The following LMBRD1 variants were observed in gnomAD, a reference collection of about 807,000 sequenced individuals.
LMBRD1 encodes the protein LMBR1 domain containing 1, also known as lysosomal cobalamin transport escort protein LMBD1.
LMBRD1 carries 64 observed loss-of-function variants against 74.8 expected under a neutral mutation model. The ratio of observed to expected loss-of-function variants is 0.86; its 90% CI spans 0.70 to 1.05. The LOEUF is 1.05. LMBRD1 is among the 50% of genes least tolerant of loss of function. The probability of loss-of-function intolerance (pLI) is 0.00; values close to 1 mark genes in which losing one functional copy is unlikely to be tolerated. For synonymous variants in LMBRD1, 204 were observed against 216.3 expected (o/e 0.94, Z 0.50); for missense variants, 652 against 645.9 (o/e 1.01, Z -0.10).
chr6:69,786,335 A>G (rs1765945087), intron 2 of LMBRD1, among the ~76,000 whole-genome samples: 1 of 152,244 alleles, frequency 6.6e-6, no homozygotes. Context: ...ATAACAGTCC[A>G]TAAAGATATT....
chr6:69,781,698 T>C (rs550203436), intron 2 of LMBRD1, among the ~76,000 whole-genome samples: 7 of 152,094 alleles, frequency 4.6e-5, no homozygotes, highest in Non-Finnish European at 7.4e-5. Flanking sequence ...AACAAACCCT[T>C]AATAGGCCAA....
chr6:69,763,207 C>T (rs1484216046), intron 3 of LMBRD1, among the ~76,000 whole-genome samples: 1 of 148,430 alleles, frequency 6.7e-6, no homozygotes, highest in East Asian at 2.0e-4. Flanking sequence ...TTGATTCCTC[C>T]TGACTGCTTA....
intron 7 of LMBRD1, among the ~76,000 whole-genome samples, chr6:69,724,447 A>G (rs1766683694): frequency 6.9e-6 from 1 of 144,622 alleles, no homozygotes; most frequent in Admixed American, 6.7e-5. Context: ...CAGAAAGATC[A>G]TTCATTATGA....
intron 3 of LMBRD1, among the ~76,000 whole-genome samples, chr6:69,766,500 C>A (rs1386126931): frequency 2.0e-5 from 3 of 151,798 alleles, no homozygotes; most frequent in African/African-American, 7.2e-5. Context: ...GGGATGAATT[C>A]ACTTTTGTCA....
intron 3 of LMBRD1, among the ~76,000 whole-genome samples, chr6:69,779,245 T>C (rs1188789423): frequency 6.6e-6 from 1 of 151,276 alleles, no homozygotes; most frequent in Admixed American, 6.6e-5. Context: ...ATAGAAACTT[T>C]TGTAGATTTT....
chr6:69,691,930 GA>G (rs1284223459), intron 14 of LMBRD1, among the ~76,000 whole-genome samples: 3 of 148,670 alleles, frequency 2.0e-5, no homozygotes, highest in Non-Finnish European at 4.5e-5. Flanking sequence ...TTTATTTATA[GA>G]GACTGTATTT....
chr6:69,738,140 CCGTA>C, intron 6 of LMBRD1, 125 bp from the exon 7 acceptor site: 1 of 686,428 alleles, frequency 1.5e-6, no homozygotes, highest in Non-Finnish European at 2.5e-6. Flanking sequence ...ATATGTATTA[CCGTA>C]TTCTTGAAGT....
chr6:69,753,916 G>T (rs1293122945), intron 3 of LMBRD1, among the ~76,000 whole-genome samples: 1 of 151,746 alleles, frequency 6.6e-6, no homozygotes, highest in East Asian at 1.9e-4. Context: ...ACTCCAGCCT[G>T]GGCGAGAGAG....
chr6:69,711,429 T>C (rs1307904090), intron 9 of LMBRD1, among the ~76,000 whole-genome samples: 3 of 152,144 alleles, frequency 2.0e-5, no homozygotes, highest in Non-Finnish European at 2.9e-5. Context: ...GATTTGAAAA[T>C]CCTTCTAAAC....
Position 69,705,467 on chromosome 6 carries a change from A to G in LMBRD1, c.916-3514T>C. ...CAGAACTAGGTCCTTTTGGTGTTTTAGGAGATTTTTCCTGTTTTTTGAAGG... is the reference window on the plus strand; with the variant it reads ...CAGAACTAGGTCCTTTTGGTGTTTTGGGAGATTTTTCCTGTTTTTTGAAGG... On this transcript the variant is annotated intron_variant, in intron 9 of 15. Transcript: ENST00000649934. The G allele has an allele frequency of 3.8e-6, 5 of 1,312,574 alleles. No individual in the cohort carries two copies. The Admixed American group carries it at 5.1e-5, about 13-fold the overall frequency. 81.3% of individuals were successfully genotyped at this position (1,312,574 alleles called of 1,614,324 possible). A position where few individuals can be genotyped will look rare whatever the true frequency, so the allele number is the denominator to read the frequency against.
intron 3 of LMBRD1, among the ~76,000 whole-genome samples, chr6:69,756,036 T>C (rs1391984240): frequency 6.6e-6 from 1 of 152,150 alleles, no homozygotes; most frequent in African/African-American, 2.4e-5. Flanking sequence ...TTTTAAAAAA[T>C]GGGTGAAGAC....
intron 9 of LMBRD1, 87 bp downstream of exon 9, chr6:69,713,558 G>A (rs1766427637): frequency 7.6e-7 from 1 of 1,323,404 alleles, no homozygotes; most frequent in Non-Finnish European, 1.1e-6. Flanking sequence ...ATGCTGTAAT[G>A]CCTCAAAAGG....
Position 69,701,132 on chromosome 6 carries a change from G to T in LMBRD1, c.1084-263C>A, listed in dbSNP as rs185706432. Among the ~76,000 whole-genome samples the T allele has an allele frequency of 3.3e-5, 5 of 151,814 alleles. No individual in the cohort carries two copies. In the East Asian group the frequency reaches 9.7e-4, roughly 29 times the overall value. ...AATTGCATTTATCTATGAGATAAAA[G>T]ACTTGATTAAATATTAATACCAAAA... On this transcript the variant is annotated intron_variant, in intron 11 of 15. Transcript: ENST00000649934.
chr6:69,725,218 A>G (rs928426981), intron 7 of LMBRD1, among the ~76,000 whole-genome samples: 2 of 152,102 alleles, frequency 1.3e-5, no homozygotes, highest in Non-Finnish European at 2.9e-5. Flanking sequence ...GAAGACACCA[A>G]AAAAATGAAG....
chr6:69,697,191 T>C (rs185498625), intron 14 of LMBRD1, among the ~76,000 whole-genome samples: 1 of 152,098 alleles, frequency 6.6e-6, no homozygotes, highest in African/African-American at 2.4e-5. Flanking sequence ...TAACCAGACA[T>C]GGATGAATTA....
chr6:69,707,544 A>G (rs1766286787), intron 9 of LMBRD1, among the ~76,000 whole-genome samples: 1 of 152,032 alleles, frequency 6.6e-6, no homozygotes, highest in Admixed American at 6.6e-5. Flanking sequence ...TTTGTCTAGT[A>G]TGTCTTTAAA....
intron 2 of LMBRD1, among the ~76,000 whole-genome samples, chr6:69,780,932 T>C (rs1405794550): frequency 1.3e-5 from 2 of 152,048 alleles, no homozygotes. Context: ...AGAAGCTAAA[T>C]ATAGATTAAA....
rs753851850 is a variant in LMBRD1 at position 69,698,636 on chromosome 6, T to C, written c.1338+407A>G. On this transcript the variant is annotated intron_variant, in intron 13 of 15. Transcript: ENST00000649934. ...AAAAGAATGTATAGTTATCTACATA[T>C]AAAATTTTTATAAAGCCTCTTCTAG... Among the ~76,000 whole-genome samples, 17 of 151,960 alleles carry C rather than the reference T, an allele frequency of 1.1e-4. 1 individual carries two copies. The highest frequency in any genetic ancestry group is 7.9e-4 in the Admixed American group (12 of 15,238).
intron 14 of LMBRD1, among the ~76,000 whole-genome samples, chr6:69,695,202 T>C (rs1228087274): frequency 6.6e-6 from 1 of 152,036 alleles, no homozygotes; most frequent in Non-Finnish European, 1.5e-5. Flanking sequence ...CAATCTTTCC[T>C]GCTCCACTAG....
Sources: gnomAD v4.1 joint callset for allele counts (sites outside exome capture counted in the v4.1 genomes callset) on GRCh38, gnomAD v4.1.1 for gene constraint, MANE v1.5 for transcripts, NCBI Gene and HGNC (gene_info 2026-07-23, HGNC 2026-07-21) for gene names.